Variants in CCBE1 observed in about 807,000 individuals in gnomAD.
CCBE1 encodes collagen and calcium-binding EGF domain-containing protein 1.
Under a neutral mutation model 50.0 loss-of-function variants are expected in CCBE1, and 37 were observed. That is an observed-to-expected ratio of 0.74 (90% CI 0.57 to 0.97). The LOEUF is 0.97. Among genes scored for constraint, CCBE1 ranks in the 50% least tolerant of loss-of-function variants. The probability of loss-of-function intolerance (pLI) is 0.00; values close to 1 mark genes in which losing one functional copy is unlikely to be tolerated. For synonymous variants in CCBE1, 234 were observed against 203.7 expected, an observed-to-expected ratio of 1.15 and a Z score of -1.27; for missense variants, 538 against 523.8, an observed-to-expected ratio of 1.03 and a Z score of -0.26.
At chr18:59,572,997 C>G (rs1019419991) in intron 2 of CCBE1, among the ~76,000 whole-genome samples, 15 of 151,904 alleles carry the variant, frequency 9.9e-5, no homozygotes, top group African/African-American at 3.6e-4. Context: ...TAATACTGTG[C>G]ATAAGGCTGG....
intron 2 of CCBE1, among the ~76,000 whole-genome samples, chr18:59,615,718 T>C (rs1218663622): frequency 1.3e-5 from 2 of 152,172 alleles, no homozygotes; most frequent in Non-Finnish European, 2.9e-5. Context: ...ATTTCTTTTG[T>C]CTGCTCTCCA....
intron 2 of CCBE1, among the ~76,000 whole-genome samples, chr18:59,643,849 G>T (rs1228836419): frequency 6.6e-6 from 1 of 151,962 alleles, no homozygotes; most frequent in Non-Finnish European, 1.5e-5. Context: ...GGGTGAGGTT[G>T]AACAGGTTTC....
At chr18:59,608,238 G>C (rs2053526915) in intron 2 of CCBE1, among the ~76,000 whole-genome samples, 3 of 152,224 alleles carry the variant, frequency 2.0e-5, no homozygotes, top group Admixed American at 6.5e-5. Flanking sequence ...TTTGTCACGA[G>C]TGTTCAATAA....
At chr18:59,546,089 G>T (rs1470965580) in intron 2 of CCBE1, among the ~76,000 whole-genome samples, 1 of 152,120 alleles carries the variant, frequency 6.6e-6, no homozygotes, top group Non-Finnish European at 1.5e-5. Flanking sequence ...CTTTAAAAGG[G>T]TCAATCTATT....
At chr18:59,452,494 TGAGGCAGAGAATTGCTTGAACCTGG>T (rs1435943710) in intron 6 of CCBE1, among the ~76,000 whole-genome samples, 2 of 152,160 alleles carry the variant, frequency 1.3e-5, no homozygotes, top group African/African-American at 4.8e-5. Flanking sequence ...CCCGGGAGGC[TGAGGCAGAGAATTGCTTGAACCTGG>T]GAGGCAGAGG....
intron 3 of CCBE1, among the ~76,000 whole-genome samples, chr18:59,478,047 A>T (rs1000632005): frequency 2.0e-5 from 3 of 152,170 alleles, no homozygotes; most frequent in African/African-American, 7.2e-5. Flanking sequence ...GGTGGGCCTC[A>T]TCCAATCAGG....
In CCBE1 at chr18:59,439,597, TG is replaced by T. The variant is rs1383212447; in HGVS notation, c.916-20del. The T allele has an allele frequency of 1.9e-6, 3 of 1,614,172 alleles. No homozygotes were observed. The highest frequency in any genetic ancestry group is 2.5e-6 in the Non-Finnish European group (3 of 1,180,056). Reference sequence around the variant, plus strand: ...GTGGACCCTGTAATACAAAAGGATCTGGTTTAACCACAGGCAAAAGCATGGG... The same window carrying T: ...GTGGACCCTGTAATACAAAAGGATCTGTTTAACCACAGGCAAAAGCATGGG... On this transcript the variant is annotated intron_variant, in intron 8 of 10. Coordinates refer to ENST00000439986, the MANE Select transcript of CCBE1 (RefSeq NM_133459.4).
intron 2 of CCBE1, among the ~76,000 whole-genome samples, chr18:59,565,976 C>T (rs964187908): frequency 6.6e-6 from 1 of 152,158 alleles, no homozygotes; most frequent in Non-Finnish European, 1.5e-5. Context: ...CGAGTCACTA[C>T]CTCTGACCTT....
intron 2 of CCBE1, among the ~76,000 whole-genome samples, chr18:59,598,910 C>T (rs899896948): frequency 6.6e-6 from 1 of 152,192 alleles, no homozygotes; most frequent in Non-Finnish European, 1.5e-5. Context: ...GCAAACCATT[C>T]CCGAGAAGGA....
At chr18:59,669,152 A>C (rs934697955) in intron 2 of CCBE1, among the ~76,000 whole-genome samples, 4 of 152,120 alleles carry the variant, frequency 2.6e-5, no homozygotes, top group Admixed American at 6.5e-5. Context: ...AGTCACTTAT[A>C]AAGATGAAGT....
In CCBE1 at chr18:59,621,932, G is replaced by A. The variant is rs550396967; in HGVS notation, c.212+74697C>T. Among the ~76,000 whole-genome samples the A allele has an allele frequency of 2.6e-5, 4 of 152,254 alleles. No individual in the cohort carries two copies. In the East Asian group the frequency reaches 7.7e-4, roughly 29 times the overall value. On this transcript the variant is annotated intron_variant, in intron 2 of 10. Coordinates refer to ENST00000439986, the MANE Select transcript of CCBE1 (RefSeq NM_133459.4). The stretch of plus-strand genomic sequence containing the variant: ...ATGTCATCCTTGGTGACAGAGGCCA[G>A]CCATGGACTTACCCTCACAGCCCAT...
intron 2 of CCBE1, among the ~76,000 whole-genome samples, chr18:59,667,687 A>G (rs904163611): frequency 6.6e-6 from 1 of 152,190 alleles, no homozygotes; most frequent in African/African-American, 2.4e-5. Flanking sequence ...TGGGTGTGTC[A>G]CTGGCTGTAC....
chr18:59,501,971 G>A (rs575489097), intron 2 of CCBE1, among the ~76,000 whole-genome samples: 40 of 152,242 alleles, frequency 2.6e-4, no homozygotes, highest in African/African-American at 9.4e-4. Flanking sequence ...GCTAATTTTT[G>A]TATTTTTAGC....
chr18:59,459,937 G>A (rs1911380496), intron 5 of CCBE1, among the ~76,000 whole-genome samples: 1 of 152,176 alleles, frequency 6.6e-6, no homozygotes, highest in Admixed American at 6.5e-5. Flanking sequence ...GAAACACCTG[G>A]CCATCTGACA....
intron 2 of CCBE1, among the ~76,000 whole-genome samples, chr18:59,653,747 G>A (rs906978565): frequency 6.6e-6 from 1 of 152,108 alleles, no homozygotes; most frequent in African/African-American, 2.4e-5. Flanking sequence ...TCAGAACCAG[G>A]CACAGCACTG....
intron 6 of CCBE1, among the ~76,000 whole-genome samples, chr18:59,448,785 G>T (rs1360604020): frequency 6.6e-6 from 1 of 152,186 alleles, no homozygotes; most frequent in Non-Finnish European, 1.5e-5. Flanking sequence ...ATTCAGTAGG[G>T]ATGACTGTAA....
chr18:59,540,349 C>T (rs1269443164), intron 2 of CCBE1, among the ~76,000 whole-genome samples: 1 of 152,066 alleles, frequency 6.6e-6, no homozygotes, highest in African/African-American at 2.4e-5. Flanking sequence ...ACATAGGACC[C>T]AGAAAGACAG....
chr18:59,685,283 ATCCTTG>A (rs2054640523), intron 2 of CCBE1, among the ~76,000 whole-genome samples: 3 of 152,180 alleles, frequency 2.0e-5, no homozygotes, highest in African/African-American at 7.2e-5. Flanking sequence ...GGAGTGTCCT[ATCCTTG>A]ATCCATTCTC....
At chr18:59,691,748 G>T (rs1056757638) in intron 2 of CCBE1, among the ~76,000 whole-genome samples, 1 of 152,140 alleles carries the variant, frequency 6.6e-6, no homozygotes, top group African/African-American at 2.4e-5. Flanking sequence ...TGAACTACAT[G>T]CCCTGAATGA....
Sources: allele counts gnomAD v4.1 joint callset (sites outside exome capture counted in the v4.1 genomes callset), GRCh38; gene constraint gnomAD v4.1.1; transcripts MANE v1.5; gene names NCBI Gene and HGNC (gene_info 2026-07-23, HGNC 2026-07-21).